The following PXDN variants were observed in gnomAD, a reference collection of about 807,000 sequenced individuals.
PXDN encodes the protein peroxidasin homolog.
In PXDN, 77 loss-of-function variants were observed where a neutral mutation model predicts 140.3. The observed-to-expected ratio is 0.55, with a 90% confidence interval of 0.46 to 0.66. The LOEUF is 0.66. Among genes scored for constraint, PXDN ranks in the 30% least tolerant of loss-of-function variants. PXDN has a pLI of 0.00. For synonymous variants in PXDN, 911 were observed against 857.4 expected (o/e 1.06, Z -1.09); for missense variants, 1,838 against 2,039.5 (o/e 0.90, Z 1.90).
chr2:1,643,578 T>C lies in PXDN; in HGVS notation c.3744-2A>G. On this transcript the variant is annotated splice_acceptor_variant, in intron 18 of 22. Coordinates refer to ENST00000252804, the MANE Select transcript of PXDN (RefSeq NM_012293.3). LOFTEE classifies it high-confidence loss of function. ...ACCCCAGGGTTCTCATACCACAACC[T>C]GGATCCCCCAAAATGAAAGCAGGAT... 6.2e-7 allele frequency: 1 copy of C among 1,613,512 alleles called. No individual in the cohort carries two copies.
At chr2:1,657,278 CTG>C (rs1683166279) in intron 14 of PXDN, among the ~76,000 whole-genome samples, 2 of 150,400 alleles carry the variant, frequency 1.3e-5, no homozygotes, top group African/African-American at 4.9e-5. Flanking sequence ...CCCCTCCTGA[CTG>C]AAACCAGCCC....
At chr2:1,706,152 C>A (rs1684601313) in intron 1 of PXDN, among the ~76,000 whole-genome samples, 1 of 152,190 alleles carries the variant, frequency 6.6e-6, no homozygotes, top group Admixed American at 6.5e-5. Context: ...GTCCCAGCGT[C>A]TCTGACCTTC....
intron 21 of PXDN, 38 bp from the exon 22 acceptor site, chr2:1,635,559 T>A: frequency 7.1e-7 from 1 of 1,415,368 alleles, no homozygotes; most frequent in Non-Finnish European, 9.8e-7. Flanking sequence ...ATTGGGCACT[T>A]CAGAGTAACA....
intron 19 of PXDN, among the ~76,000 whole-genome samples, chr2:1,640,058 C>A (rs1484918875): frequency 6.9e-6 from 1 of 145,916 alleles, no homozygotes; most frequent in African/African-American, 2.6e-5. Context: ...AGTGAGGGGC[C>A]CTCAGTGCCG....
intron 21 of PXDN, 69 bp from the exon 22 acceptor site, chr2:1,635,590 G>A: frequency 8.8e-7 from 1 of 1,142,676 alleles, no homozygotes; most frequent in South Asian, 1.3e-5. Context: ...TGTATTAAAA[G>A]ATGTTATTTC....
At chr2:1,711,472 G>T (rs1157792035) in intron 1 of PXDN, among the ~76,000 whole-genome samples, 4 of 42,010 alleles carry the variant, frequency 9.5e-5, no homozygotes, top group East Asian at 9.1e-4. Flanking sequence ...ACCAGCACCC[G>T]CTCCACCAGC....
chr2:1,711,634 T>C (rs1684788378), intron 1 of PXDN, among the ~76,000 whole-genome samples: 2 of 134,170 alleles, frequency 1.5e-5, no homozygotes, highest in South Asian at 5.1e-4. Context: ...CAGCACCCGC[T>C]CCACCAGCAC....
intron 1 of PXDN, among the ~76,000 whole-genome samples, chr2:1,724,626 CA>C (rs1685134584): frequency 6.6e-6 from 1 of 152,190 alleles, no homozygotes; most frequent in African/African-American, 2.4e-5. Context: ...ACCCTTTCCT[CA>C]TTGTGTATTC....
chr2:1,658,793 CCA>C (rs1296877983), intron 14 of PXDN, among the ~76,000 whole-genome samples: 4 of 141,196 alleles, frequency 2.8e-5, no homozygotes, highest in African/African-American at 7.9e-5. Flanking sequence ...CAGGACCCCC[CCA>C]CTCTACTCTC....
intron 3 of PXDN, among the ~76,000 whole-genome samples, chr2:1,689,226 A>G (rs990359642): frequency 6.6e-6 from 1 of 152,218 alleles, no homozygotes; most frequent in Non-Finnish European, 1.5e-5. Context: ...AGCTCTTACA[A>G]TATGGCCCCT....
chr2:1,744,201 C>G, intron 1 of PXDN, 55 bp downstream of exon 1: 5 of 1,420,336 alleles, frequency 3.5e-6, no homozygotes, highest in Non-Finnish European at 3.7e-6. Context: ...CCTGCGCTCC[C>G]GGATCTCCAC....
intron 8 of PXDN, among the ~76,000 whole-genome samples, chr2:1,674,359 G>A (rs558916379): frequency 1.3e-5 from 2 of 152,292 alleles, no homozygotes; most frequent in Admixed American, 6.5e-5. Flanking sequence ...GCAGGTGTGC[G>A]CCAGACCTCT....
intron 9 of PXDN, among the ~76,000 whole-genome samples, chr2:1,669,289 A>T (rs1469296367): frequency 6.6e-6 from 1 of 152,156 alleles, no homozygotes; most frequent in Non-Finnish European, 1.5e-5. Context: ...ATCAAACACC[A>T]GGGCCTGTCG....
intron 1 of PXDN, among the ~76,000 whole-genome samples, chr2:1,743,689 G>C (rs1292557459): frequency 4.2e-5 from 4 of 96,260 alleles, no homozygotes; most frequent in South Asian, 3.8e-4. Context: ...GGAAGGGGAG[G>C]AGGAGGAGGA....
Position 1,663,638 on chromosome 2 carries a change from T to G in PXDN, c.1534A>C (p.Lys512Gln), listed in dbSNP as rs1226667900. The G allele has an allele frequency of 6.2e-7, 1 of 1,614,046 alleles. No homozygotes were observed. Among genetic ancestry groups the G allele is most frequent in the South Asian group, 1.1e-5 (1 of 91,090 alleles). Residue 512 changes from lysine (K) to glutamine (Q), a missense_variant, in exon 12 of 23, where the codon AAG becomes CAG. Lys to Gln is a moderately conservative substitution (Grantham distance 53, BLOSUM62 1). Coordinates refer to ENST00000252804, the MANE Select transcript of PXDN (RefSeq NM_012293.3). ...TGCACAGTCAGGTGGGCCACGACCT[T>G]CTGGGAGCCGATGATGTTGACAGCC... ...CQAVNIIGSQ[K>Q]VVAHLTVQPR...
chr2:1,639,004 G>C lies in PXDN; in HGVS notation c.4074-26C>G. ...CTGTGGTGAGGGGAAAGGAGGAGGA[G>C]GGAAATATAACCTTGGCAGGTCACG... is the stretch of plus-strand genomic sequence containing the variant. On this transcript the variant is annotated intron_variant, in intron 20 of 22. Transcript: ENST00000252804. The surrounding 1 kb of genome is among the most constrained non-coding windows in gnomAD (Gnocchi z 5.0). The C allele has an allele frequency of 6.2e-7, 1 of 1,612,446 alleles. No individual in the cohort carries two copies. Among genetic ancestry groups the C allele is most frequent in the South Asian group, 1.1e-5 (1 of 91,036 alleles).
intron 1 of PXDN, among the ~76,000 whole-genome samples, chr2:1,726,952 G>A (rs979000679): frequency 5.9e-5 from 9 of 152,140 alleles, no homozygotes; most frequent in African/African-American, 1.9e-4. Flanking sequence ...CTTTGGGAAG[G>A]GAAGGGCACA....
chr2:1,657,576 C>G (rs1459434693), intron 14 of PXDN, among the ~76,000 whole-genome samples: 2 of 151,476 alleles, frequency 1.3e-5, no homozygotes, highest in Non-Finnish European at 2.9e-5. Context: ...TGCCTGAAAC[C>G]TGGCTGCTGA....
At position 1,700,070 on chromosome 2, in the gene PXDN, A is replaced by AT. The variant is rs1049917772; in HGVS notation, c.201-6937dup. 3.7e-3 allele frequency among the ~76,000 whole-genome samples: 558 copies of AT among 151,078 alleles called. 2 individuals are homozygous for AT. The highest frequency in any genetic ancestry group is 0.012 in the African/African-American group (501 of 41,244). ...GTTGTCTAGATTTGTATTTTTATTT[A>AT]TTTTTTTTTGACACAGAGTCTCACT... On this transcript the variant is annotated intron_variant, in intron 1 of 22. Transcript: ENST00000252804.
Sources: allele counts gnomAD v4.1 joint callset (sites outside exome capture counted in the v4.1 genomes callset), GRCh38; gene constraint gnomAD v4.1.1; non-coding constraint Gnocchi (gnomAD v3.1); transcripts MANE v1.5; gene names NCBI Gene and HGNC (gene_info 2026-07-23, HGNC 2026-07-21).